Variants in HELB observed in about 807,000 individuals in gnomAD.
HELB encodes DNA helicase B.
HELB carries 96 observed loss-of-function variants against 101.7 expected under a neutral mutation model. That is an observed-to-expected ratio of 0.94 (90% CI 0.80 to 1.12). The LOEUF is 1.12. HELB is among the 50% of genes most tolerant of loss of function. The probability of loss-of-function intolerance (pLI) is 0.00; values close to 1 mark genes in which losing one functional copy is unlikely to be tolerated. For synonymous variants in HELB, 437 were observed against 459.7 expected (o/e 0.95, Z 0.63); for missense variants, 1,210 against 1,291.9 (o/e 0.94, Z 0.97).
In HELB at chr12:66,309,867, T is replaced by A. The variant is rs775555747; in HGVS notation, c.939T>A (p.Val313=). ...GTAGAGAAGATGGGCACACATATGT[T>A]GAAGTGAATGACTTAACTTTGACAT... ...QICREDGHTY[V]EVNDLTLTLS... is the part of the protein sequence containing the mutation. The change falls in exon 4 of 13, where the codon GTT becomes GTA. Residue 313 remains valine (V), a synonymous_variant. Transcript: ENST00000247815. The A allele has an allele frequency of 3.1e-6, 5 of 1,614,140 alleles. No individual in the cohort carries two copies. Among genetic ancestry groups the A allele is most frequent in the South Asian group, 1.1e-5 (1 of 91,082 alleles).
chr12:66,316,977 CCACTGCACT>C (rs1289392348), intron 6 of HELB, among the ~76,000 whole-genome samples: 3 of 148,388 alleles, frequency 2.0e-5, no homozygotes, highest in African/African-American at 7.5e-5. Flanking sequence ...CGAGATCATG[CCACTGCACT>C]CCAGCCTGGG....
intron 7 of HELB, among the ~76,000 whole-genome samples, chr12:66,320,653 T>TA (rs2053660020): frequency 6.6e-6 from 1 of 152,232 alleles, no homozygotes; most frequent in Admixed American, 6.5e-5. Flanking sequence ...GCTTACCTGA[T>TA]ACTGCTTTTC....
intron 12 of HELB, among the ~76,000 whole-genome samples, chr12:66,333,784 G>A (rs575482341): frequency 3.9e-5 from 6 of 152,260 alleles, no homozygotes; most frequent in African/African-American, 9.6e-5. Context: ...GCAGGGCCAC[G>A]GGAATGAGTT....
chr12:66,316,796 G>A (rs989455747), intron 6 of HELB, among the ~76,000 whole-genome samples: 18 of 151,760 alleles, frequency 1.2e-4, no homozygotes, highest in Non-Finnish European at 2.1e-4. Context: ...GAGGCGGGTG[G>A]ATCACAAGGT....
intron 1 of HELB, among the ~76,000 whole-genome samples, chr12:66,303,718 T>C (rs931609494): frequency 3.3e-5 from 5 of 152,270 alleles, no homozygotes; most frequent in Non-Finnish European, 7.3e-5. Context: ...TTGGTGTTAG[T>C]AACCTTGTGG....
At chr12:66,342,091 A>G (rs1468685566), downstream of HELB, 5 of 152,204 alleles carry the variant, frequency 3.3e-5, no homozygotes, top group Non-Finnish European at 5.9e-5. Flanking sequence ...ATCCAAAGTC[A>G]TGATGATTTA....
chr12:66,338,231 G>A, downstream of HELB: 1 of 653,108 alleles, frequency 1.5e-6, no homozygotes, highest in Admixed American at 2.8e-5. Flanking sequence ...GTTAGCAAAT[G>A]TTTTAAATCC....
chr12:66,315,816 C>T (rs566374899), intron 6 of HELB, among the ~76,000 whole-genome samples: 3 of 152,172 alleles, frequency 2.0e-5, no homozygotes, highest in African/African-American at 7.2e-5. Flanking sequence ...CTAGAGGCAC[C>T]CATGGCATCT....
Position 66,315,252 on chromosome 12 carries a change from A to G in HELB, c.1869A>G (p.Arg623=), listed in dbSNP as rs777162356. Residue 623 remains arginine (R), a synonymous_variant, in exon 6 of 13, where the codon AGA becomes AGG. Coordinates refer to ENST00000247815, the MANE Select transcript of HELB (RefSeq NM_001370285.1). Reference sequence around the variant, plus strand: ...CTTTTTTTCTTTTAGGTGACATTAGACAGTTACCCAGTATTGAACCTGGTA... The same window carrying G: ...CTTTTTTTCTTTTAGGTGACATTAGGCAGTTACCCAGTATTGAACCTGGTA... ...LSKLIILGDI[R]QLPSIEPGNL... is the part of the protein sequence containing the mutation. 1.2e-5 allele frequency: 19 copies of G among 1,592,930 alleles called. No homozygotes were observed. Among genetic ancestry groups the G allele is most frequent in the Non-Finnish European group, 1.6e-5 (19 of 1,170,736 alleles).
At chr12:66,305,909 T>C (rs1427218621) in intron 2 of HELB, among the ~76,000 whole-genome samples, 1 of 152,206 alleles carries the variant, frequency 6.6e-6, no homozygotes, top group African/African-American at 2.4e-5. Context: ...GAATATTTCA[T>C]TTCCTAATTG....
chr12:66,328,354 G>A (rs1377857173), intron 11 of HELB, among the ~76,000 whole-genome samples: 1 of 152,114 alleles, frequency 6.6e-6, no homozygotes, highest in Non-Finnish European at 1.5e-5. Flanking sequence ...TTGAGCCCAG[G>A]AGTTCAAGAC....
Position 66,309,712 on chromosome 12 carries a change from T to C in HELB, c.784T>C (p.Tyr262His), listed in dbSNP as rs2053517146. 1 of 1,602,184 alleles carries C rather than the reference T, an allele frequency of 6.2e-7. No homozygotes were observed. Among genetic ancestry groups the C allele is most frequent in the Non-Finnish European group, 8.5e-7 (1 of 1,172,960 alleles). Residue 262 changes from tyrosine to histidine, a missense_variant, in exon 4 of 13, where the codon TAC becomes CAC. Coordinates refer to ENST00000247815, the MANE Select transcript of HELB (RefSeq NM_001370285.1). ...TGAACTTTATTTCTTAAAGATAACCTACAGAGAGTGGAAACTCCTGCGATG... is the reference window on the plus strand; with the variant it reads ...TGAACTTTATTTCTTAAAGATAACCCACAGAGAGTGGAAACTCCTGCGATG... ...PWKLGFSKIT[Y>H]REWKLLRCEA... is the part of the protein sequence containing the mutation.
chr12:66,336,129 CT>C (rs962640334), intron 12 of HELB, among the ~76,000 whole-genome samples: 14 of 152,146 alleles, frequency 9.2e-5, no homozygotes, highest in African/African-American at 3.1e-4. Flanking sequence ...GGCGATGAAA[CT>C]TTTTTTTAAA....
At chr12:66,305,419 G>A (rs1249469719) in intron 2 of HELB, among the ~76,000 whole-genome samples, 2 of 152,004 alleles carry the variant, frequency 1.3e-5, no homozygotes, top group African/African-American at 2.4e-5. Flanking sequence ...TGTATTCACA[G>A]CGATTACCTT....
intron 6 of HELB, 86 bp downstream of exon 6, chr12:66,315,469 A>G (rs2053594298): frequency 1.0e-6 from 1 of 960,450 alleles, no homozygotes; most frequent in Non-Finnish European, 1.4e-6. Context: ...ATTTAGTACA[A>G]TACATTAACT....
chr12:66,328,274 A>C (rs1283297733), intron 11 of HELB, among the ~76,000 whole-genome samples: 6 of 152,186 alleles, frequency 3.9e-5, no homozygotes, highest in Non-Finnish European at 5.9e-5. Context: ...TTAAAAATGG[A>C]TACTAGGCTG....
chr12:66,316,959 C>T (rs980275441), intron 6 of HELB, among the ~76,000 whole-genome samples: 4 of 146,046 alleles, frequency 2.7e-5, no homozygotes, highest in African/African-American at 1.0e-4. Context: ...GCGGAGATTG[C>T]AGTGAGCCGA....
Position 66,331,607 on chromosome 12 carries a change from G to A in HELB, c.3124G>A (p.Gly1042Ser), listed in dbSNP as rs1014141896. The A allele has an allele frequency of 3.7e-6, 6 of 1,608,090 alleles. No individual in the cohort carries two copies. Among genetic ancestry groups the A allele is most frequent in the Non-Finnish European group, 3.4e-6 (4 of 1,179,300 alleles). ...ATCGCGAGCATCCAAAAGAACCTGTGGTGTGAATGATGATGAAAGTCCAAG... is the reference window on the plus strand; with the variant it reads ...ATCGCGAGCATCCAAAAGAACCTGTAGTGTGAATGATGATGAAAGTCCAAG... ...PKSRASKRTCGVNDDESPSKI... is the reference protein window; with the variant it reads ...PKSRASKRTCSVNDDESPSKI... Residue 1042 changes from glycine to serine, a missense_variant, in exon 12 of 13, where the codon GGT becomes AGT. Transcript: ENST00000247815.
chr12:66,319,092 A>C (rs1162566469), intron 7 of HELB, among the ~76,000 whole-genome samples: 1 of 152,230 alleles, frequency 6.6e-6, no homozygotes, highest in African/African-American at 2.4e-5. Context: ...CATTTAGGAC[A>C]AAGCAAGTCT....
Sources: gnomAD v4.1 joint callset for allele counts (sites outside exome capture counted in the v4.1 genomes callset) on GRCh38, gnomAD v4.1.1 for gene constraint, MANE v1.5 for transcripts, NCBI Gene and HGNC (gene_info 2026-07-23, HGNC 2026-07-21) for gene names.